ANKRD36C: variants seen among roughly 807,000 people sequenced by gnomAD.
The protein encoded by ANKRD36C is ankyrin repeat domain-containing protein 36C.
Under a neutral mutation model 276.4 loss-of-function variants are expected in ANKRD36C, and 61 were observed. The observed-to-expected ratio is 0.22, with a 90% CI of 0.18 to 0.27. The LOEUF (loss-of-function observed/expected upper bound fraction) is 0.27. Ranked by LOEUF, ANKRD36C falls within the 10% of genes least tolerant of loss-of-function variation. The pLI is 1.00. For synonymous variants in ANKRD36C, 483 were observed against 680.1 expected, an observed-to-expected ratio of 0.71 and a Z score of 4.51; for missense variants, 1,447 against 2,032.3, an observed-to-expected ratio of 0.71 and a Z score of 5.54.
exon 39 of ANKRD36C, chr2:95,914,291 T>G: frequency 6.5e-7 from 1 of 1,549,628 alleles, no homozygotes; most frequent in Non-Finnish European, 8.7e-7. Context: ...GCCTGCTGGT[T>G]TCTCAGAAGT....
intron 44 of ANKRD36C, 146 bp from the exon 63 acceptor site, chr2:95,893,870 A>G (rs1265441230): frequency 7.9e-6 from 11 of 1,397,912 alleles, no homozygotes; most frequent in Non-Finnish European, 1.1e-5. Flanking sequence ...TGGGGACTAG[A>G]ACATGACAGA....
intron 42 of ANKRD36C, 32 bp downstream of exon 47, chr2:95,908,637 C>G: frequency 8.9e-6 from 14 of 1,564,468 alleles, no homozygotes; most frequent in Non-Finnish European, 1.1e-5. Context: ...TATACATTTA[C>G]TAGTTCACAA....
intron 6 of ANKRD36C, among the ~76,000 whole-genome samples, chr2:95,972,152 G>C (rs1402393874): frequency 2.0e-5 from 3 of 152,132 alleles, no homozygotes; most frequent in African/African-American, 7.2e-5. Context: ...GCCCTTTGCT[G>C]GTGTTTGGAA....
At chr2:95,946,346 A>G (rs1678049976) in intron 17 of ANKRD36C, among the ~76,000 whole-genome samples, 2 of 148,960 alleles carry the variant, frequency 1.3e-5, no homozygotes, top group Non-Finnish European at 1.5e-5. Flanking sequence ...TGCAAATCAA[A>G]ACCACAATGA....
intron 44 of ANKRD36C, among the ~76,000 whole-genome samples, chr2:95,892,716 G>C (rs979416809): frequency 1.3e-5 from 2 of 151,210 alleles, no homozygotes; most frequent in African/African-American, 2.4e-5. Context: ...AAATAGCCTT[G>C]TTGGGAGTAT....
At chr2:95,956,190 T>A (rs77001417) in intron 13 of ANKRD36C, among the ~76,000 whole-genome samples, 2 of 152,098 alleles carry the variant, frequency 1.3e-5, no homozygotes, top group African/African-American at 4.8e-5. Context: ...ATATTCTCCA[T>A]GCACAGTAAA....
At chr2:95,888,433 G>A (rs773938617) in intron 48 of ANKRD36C, among the ~76,000 whole-genome samples, 1 of 151,696 alleles carries the variant, frequency 6.6e-6, no homozygotes, top group Non-Finnish European at 1.5e-5. Flanking sequence ...AATCAGAGGA[G>A]CAACTCATAC....
chr2:95,956,009 C>T (rs1678318150), intron 13 of ANKRD36C, among the ~76,000 whole-genome samples: 1 of 151,818 alleles, frequency 6.6e-6, no homozygotes, highest in Non-Finnish European at 1.5e-5. Context: ...ACTAAAATGT[C>T]ATAGAAGGAA....
chr2:95,960,005 C>T (rs1443607287), intron 10 of ANKRD36C, among the ~76,000 whole-genome samples: 2 of 152,146 alleles, frequency 1.3e-5, no homozygotes, highest in Non-Finnish European at 2.9e-5. Context: ...TCCTGCCTCA[C>T]AATCCCTCTT....
intron 6 of ANKRD36C, among the ~76,000 whole-genome samples, chr2:95,975,487 A>G (rs1379908562): frequency 6.6e-6 from 1 of 152,186 alleles, no homozygotes. Flanking sequence ...GTCTACAACT[A>G]TCGATCTTTG....
intron 40 of ANKRD36C, 85 bp from the exon 43 acceptor site, chr2:95,912,520 C>A (rs1676963350): frequency 1.3e-6 from 2 of 1,588,908 alleles, no homozygotes; most frequent in Admixed American, 1.7e-5. Flanking sequence ...GCATCAACCT[C>A]TGACCTCCTG....
At chr2:95,922,105 A>G (rs960531573) in intron 32 of ANKRD36C, among the ~76,000 whole-genome samples, 4 of 151,690 alleles carry the variant, frequency 2.6e-5, no homozygotes, top group Non-Finnish European at 1.5e-5. Flanking sequence ...GACAAATGTG[A>G]TCAAAAATCA....
At chr2:95,897,995 T>C (rs1040124440) in intron 44 of ANKRD36C, among the ~76,000 whole-genome samples, 19 of 147,214 alleles carry the variant, frequency 1.3e-4, no homozygotes, top group South Asian at 2.2e-4. Flanking sequence ...ATTAATCACC[T>C]TGGATATCTG....
intron 44 of ANKRD36C, 89 bp from the exon 65 acceptor site, chr2:95,891,949 C>G: frequency 6.5e-7 from 1 of 1,538,294 alleles, no homozygotes; most frequent in Non-Finnish European, 8.8e-7. Context: ...CAACCTCTGT[C>G]CTCCTGCCTG....
chr2:95,951,670 T>G (rs1439311979), intron 14 of ANKRD36C, among the ~76,000 whole-genome samples: 1 of 152,310 alleles, frequency 6.6e-6, no homozygotes, highest in East Asian at 1.9e-4. Context: ...TCCATTAGTT[T>G]CTTTTATTAA....
At chr2:95,977,653 T>C (rs576201425) in intron 6 of ANKRD36C, among the ~76,000 whole-genome samples, 76 of 152,134 alleles carry the variant, frequency 5.0e-4, no homozygotes, top group Middle Eastern at 6.8e-3. Context: ...ATATATAATA[T>C]ATACAACATA....
At chr2:95,913,477 G>A (rs1376210367) in intron 40 of ANKRD36C, among the ~76,000 whole-genome samples, 1 of 151,368 alleles carries the variant, frequency 6.6e-6, no homozygotes, top group Admixed American at 6.6e-5. Context: ...AGTCACTGTG[G>A]TGTATTCCAA....
chr2:95,960,955 G>A (rs1320383999), intron 8 of ANKRD36C, among the ~76,000 whole-genome samples: 1 of 152,062 alleles, frequency 6.6e-6, no homozygotes, highest in African/African-American at 2.4e-5. Flanking sequence ...GCCGAGTGAT[G>A]AGGACAAATG....
chr2:95,907,282 C>T (rs1573754648), intron 42 of ANKRD36C: 2 of 60,390 alleles, frequency 3.3e-5, no homozygotes, highest in East Asian at 8.4e-4. Context: ...AGAAGGCACA[C>T]AATTACGATG....
Sources: gnomAD v4.1 joint callset for allele counts (sites outside exome capture counted in the v4.1 genomes callset) on GRCh38, gnomAD v4.1.1 for gene constraint, MANE v1.5 for transcripts, NCBI Gene and HGNC (gene_info 2026-07-23, HGNC 2026-07-21) for gene names.